The following DTX4 variants were observed in gnomAD, a reference collection of about 807,000 sequenced individuals.
The protein encoded by DTX4 is E3 ubiquitin-protein ligase DTX4.
DTX4 carries 28 observed loss-of-function variants against 57.6 expected under a neutral mutation model. The ratio of observed to expected loss-of-function variants is 0.49; its 90% CI spans 0.36 to 0.67. The LOEUF (loss-of-function observed/expected upper bound fraction) is 0.67, where lower values mean the gene tolerates loss of function less well. DTX4 is among the 30% of genes least tolerant of loss of function. The pLI is 0.00. For missense variants in DTX4, 715 were observed against 836.8 expected, an observed-to-expected ratio of 0.85 and a Z score of 1.80; for synonymous variants, 316 against 331.0, an observed-to-expected ratio of 0.95 and a Z score of 0.49.
intron 7 of DTX4, among the ~76,000 whole-genome samples, chr11:59,196,135 C>T (rs1862665222): frequency 6.6e-6 from 1 of 152,238 alleles, no homozygotes; most frequent in Admixed American, 6.5e-5. Context: ...CTCTTTTCCT[C>T]CCTCCTAGTT....
chr11:59,203,038 A>G lies in DTX4; in HGVS notation c.1627-1638A>G, dbSNP rs1862758281. Among the ~76,000 whole-genome samples, 3 of 152,232 alleles carry G rather than the reference A, an allele frequency of 2.0e-5. 1 individual carries two copies. The highest frequency in any genetic ancestry group is 4.1e-4 in the South Asian group (2 of 4,832). On this transcript the variant is annotated intron_variant, in intron 8 of 8. Coordinates refer to ENST00000227451, the MANE Select transcript of DTX4 (RefSeq NM_015177.2). ...GTAAAAATACAGTATAAAAGATAAA[A>G]GTGGTATATCTGTATAAGGCACTTA... is the stretch of plus-strand genomic sequence containing the variant.
At chr11:59,180,191 CT>C (rs1389723726) in intron 1 of DTX4, among the ~76,000 whole-genome samples, 3 of 152,098 alleles carry the variant, frequency 2.0e-5, no homozygotes, top group East Asian at 1.9e-4. Context: ...AAAACCACCC[CT>C]ATTGGCCCCA....
intron 2 of DTX4, among the ~76,000 whole-genome samples, chr11:59,185,662 G>A (rs899200926): frequency 6.6e-6 from 1 of 152,204 alleles, no homozygotes; most frequent in Non-Finnish European, 1.5e-5. Flanking sequence ...AGTGGGGGAG[G>A]TGAGATCAAC....
chr11:59,191,277 A>G (rs1862595204), intron 5 of DTX4, 102 bp downstream of exon 5: 2 of 1,203,840 alleles, frequency 1.7e-6, no homozygotes, highest in Admixed American at 4.2e-5. Context: ...GCTGCATTCC[A>G]AGTTCTCATG....
At chr11:59,189,358 C>CA (rs1434347379) in intron 4 of DTX4, 35 bp downstream of exon 4, 2 of 1,495,584 alleles carry the variant, frequency 1.3e-6, no homozygotes, top group Non-Finnish European at 1.8e-6. Context: ...TACTGAGAGT[C>CA]AAAGACTTGG....
At position 59,205,156 on chromosome 11, in the gene DTX4, G is replaced by C; in HGVS notation, c.*247G>C. 2.1e-6 allele frequency: 1 copy of C among 466,856 alleles called. No homozygotes were observed. Among genetic ancestry groups the C allele is most frequent in the Non-Finnish European group, 3.9e-6 (1 of 253,892 alleles). 28.9% of individuals were successfully genotyped at this position (466,856 alleles called of 1,614,324 possible). A position where few individuals can be genotyped will look rare whatever the true frequency, so the allele number is the denominator to read the frequency against. On this transcript the variant is annotated 3_prime_UTR_variant, in exon 9 of 9. Transcript: ENST00000227451. ...GGGCCATCCTGGGTCTGTTCCCATG[G>C]AGTTTTTGGTGCTGGGTAGGCAGGA...
At chr11:59,200,125 G>A (rs780825009) in intron 8 of DTX4, among the ~76,000 whole-genome samples, 1 of 152,206 alleles carries the variant, frequency 6.6e-6, no homozygotes, top group Non-Finnish European at 1.5e-5. Context: ...AAGATGAAAG[G>A]CAACTCTTAT....
At chr11:59,179,785 G>C (rs1590979658) in intron 1 of DTX4, among the ~76,000 whole-genome samples, 1 of 152,328 alleles carries the variant, frequency 6.6e-6, no homozygotes, top group African/African-American at 2.4e-5. Flanking sequence ...GCCGAGTGAG[G>C]CCCAGGCAGG....
rs200366809 is a variant in DTX4 at position 59,195,360 on chromosome 11, C to T, written c.1527C>T (p.Pro509=). Residue 509 remains proline (P), a synonymous_variant, in exon 7 of 9, where the codon CCC becomes CCT. Coordinates refer to ENST00000227451, the MANE Select transcript of DTX4 (RefSeq NM_015177.2). The part of the protein sequence containing the change: ...KTIRIIYSIP[P]GIQGPEHPNP... ...TCCGGATCATCTACAGCATCCCCCC[C>T]GGCATTCAGGTGAGCCTTTCTCTCA... 64 of 1,604,618 alleles carry T rather than the reference C, an allele frequency of 4.0e-5. No individual in the cohort carries two copies. The highest frequency in any genetic ancestry group is 3.3e-4 in the Middle Eastern group (2 of 6,014).
chr11:59,195,472 T>G, intron 7 of DTX4, 103 bp downstream of exon 7: 1 of 1,339,334 alleles, frequency 7.5e-7, no homozygotes, highest in South Asian at 1.6e-5. Context: ...CTTCCCACAC[T>G]TTTCCGCCAT....
rs1296566060 is a variant in DTX4, at chr11:59,204,710, G to A, written c.1661G>A (p.Arg554His). The A allele has an allele frequency of 6.2e-6, 10 of 1,613,364 alleles. No homozygotes were observed. Among genetic ancestry groups the A allele is most frequent in the African/African-American group, 4.0e-5 (3 of 74,898 alleles). ...CTGCTGCTCGTGGCCTGGGATCGCC[G>A]CCTCATTTTTGCCATTGGCACCTCC... ...LKLLLVAWDR[R>H]LIFAIGTSST... Residue 554 changes from arginine (R) to histidine (H), a missense_variant, in exon 9 of 9, where the codon CGC becomes CAC. Coordinates refer to ENST00000227451, the MANE Select transcript of DTX4 (RefSeq NM_015177.2).
Position 59,205,573 on chromosome 11 carries a change from C to T in DTX4, c.*664C>T, listed in dbSNP as rs1034700317. On this transcript the variant is annotated 3_prime_UTR_variant, in exon 9 of 9. Coordinates refer to ENST00000227451, the MANE Select transcript of DTX4 (RefSeq NM_015177.2). ...TCTCCTCCTCACAGCTCTCACCTGT[C>T]CAAAGAGGCATCTGGTTCTCTCATG... is the stretch of plus-strand genomic sequence containing the variant. The T allele has an allele frequency of 2.0e-5, 3 of 153,558 alleles. No homozygotes were observed. The South Asian group carries it at 6.2e-4, about 32-fold the overall frequency. The allele number at this position is 153,558 out of a possible 1,614,324, so 9.5% of individuals were successfully genotyped here.
intron 3 of DTX4, 75 bp downstream of exon 3, chr11:59,188,871 G>A: frequency 1.5e-6 from 2 of 1,352,298 alleles, no homozygotes; most frequent in Non-Finnish European, 2.1e-6. Flanking sequence ...AGCATTTGTG[G>A]AAAAAAAGGA....
At chr11:59,192,331 C>A in intron 6 of DTX4, 81 bp downstream of exon 6, 1 of 1,528,846 alleles carries the variant, frequency 6.5e-7, no homozygotes. Context: ...CTTTAGGGCC[C>A]TTGCTCAAGT....
chr11:59,182,027 C>T lies in DTX4; in HGVS notation c.500C>T (p.Thr167Ile). 1 of 1,613,594 alleles carries T rather than the reference C, an allele frequency of 6.2e-7. No individual in the cohort carries two copies. Among genetic ancestry groups the T allele is most frequent in the South Asian group, 1.1e-5 (1 of 91,008 alleles). Reference sequence around the variant, plus strand: ...CTCATCTACCCCATGGTCACAGGGACCTTGCCTAAGGCTCAGTCCTGGCCA... The same window carrying T: ...CTCATCTACCCCATGGTCACAGGGATCTTGCCTAAGGCTCAGTCCTGGCCA... ...LDLIYPMVTGTLPKAQSWPVS... is the reference protein window; with the variant it reads ...LDLIYPMVTGILPKAQSWPVS... Residue 167 changes from threonine (T) to isoleucine (I), a missense_variant, in exon 2 of 9, where the codon ACC (threonine) becomes ATC (isoleucine). Transcript: ENST00000227451.
intron 8 of DTX4, among the ~76,000 whole-genome samples, chr11:59,203,421 A>G (rs963183430): frequency 6.6e-6 from 1 of 152,068 alleles, no homozygotes; most frequent in African/African-American, 2.4e-5. Flanking sequence ...TTTGTTTAAA[A>G]TGAACACACG....
intron 6 of DTX4, 127 bp from the exon 7 acceptor site, chr11:59,195,081 G>C: frequency 1.0e-6 from 1 of 975,722 alleles, no homozygotes; most frequent in Admixed American, 1.9e-5. Flanking sequence ...GAAAAACTAA[G>C]ATCTATCACT....
chr11:59,173,171 G>A (rs996110275), intron 1 of DTX4, among the ~76,000 whole-genome samples: 4 of 152,160 alleles, frequency 2.6e-5, no homozygotes, highest in Admixed American at 1.3e-4. Flanking sequence ...CCTTCGCAAA[G>A]GCTTCCTGCC....
intron 1 of DTX4, among the ~76,000 whole-genome samples, chr11:59,180,004 A>G (rs1862444375): frequency 6.6e-6 from 1 of 152,184 alleles, no homozygotes; most frequent in Admixed American, 6.5e-5. Context: ...CATATAATAG[A>G]AAATAAATTA....
Sources: allele counts gnomAD v4.1 joint callset (sites outside exome capture counted in the v4.1 genomes callset), GRCh38; gene constraint gnomAD v4.1.1; transcripts MANE v1.5; gene names NCBI Gene and HGNC (gene_info 2026-07-23, HGNC 2026-07-21).